THADA: variants seen among roughly 807,000 people sequenced by gnomAD.
THADA encodes the protein THADA armadillo repeat containing, also known as tRNA (32-2'-O)-methyltransferase regulator THADA.
Under a neutral mutation model 219.8 loss-of-function variants are expected in THADA, and 213 were observed. The observed-to-expected ratio is 0.97, with a 90% confidence interval of 0.87 to 1.09. The LOEUF is 1.09. Ranked by LOEUF, THADA falls within the 50% of genes least tolerant of loss-of-function variation. The pLI is 0.00. For synonymous variants in THADA, 1,018 were observed against 828.9 expected, an observed-to-expected ratio of 1.23 and a Z score of -3.92; for missense variants, 2,956 against 2,311.3, an observed-to-expected ratio of 1.28 and a Z score of -5.72.
intron 26 of THADA, among the ~76,000 whole-genome samples, chr2:43,433,084 G>A (rs1679580977): frequency 6.6e-6 from 1 of 151,956 alleles, no homozygotes; most frequent in African/African-American, 2.4e-5. Context: ...AAGCTTTATG[G>A]TTTTAGCTTT....
intron 16 of THADA, 47 bp downstream of exon 16, chr2:43,560,187 A>T: frequency 6.5e-7 from 1 of 1,529,742 alleles, no homozygotes; most frequent in Non-Finnish European, 8.8e-7. Context: ...CTGCTGATAG[A>T]AAGTTTCCAT....
At chr2:43,477,371 G>A (rs1215699129) in intron 26 of THADA, among the ~76,000 whole-genome samples, 1 of 152,166 alleles carries the variant, frequency 6.6e-6, no homozygotes, top group African/African-American at 2.4e-5. Flanking sequence ...GCACAGGTCT[G>A]AGAAACCTGT....
At chr2:43,463,424 C>T (rs1018351005) in intron 26 of THADA, among the ~76,000 whole-genome samples, 12 of 152,130 alleles carry the variant, frequency 7.9e-5, no homozygotes, top group Admixed American at 2.6e-4. Context: ...TTATATAGGG[C>T]GTGATTGACA....
chr2:43,589,317 C>CTA (rs1294558126), intron 4 of THADA, among the ~76,000 whole-genome samples: 3 of 152,040 alleles, frequency 2.0e-5, no homozygotes, highest in Non-Finnish European at 4.4e-5. Flanking sequence ...CTGTCATATG[C>CTA]TATAACAGGG....
intron 17 of THADA, among the ~76,000 whole-genome samples, chr2:43,554,112 T>A (rs1697070169): frequency 6.6e-6 from 1 of 152,198 alleles, no homozygotes; most frequent in Non-Finnish European, 1.5e-5. Context: ...TTTTAAATTT[T>A]GATGAAGTCC....
intron 31 of THADA, among the ~76,000 whole-genome samples, chr2:43,317,995 T>C (rs1422544033): frequency 6.6e-6 from 1 of 152,166 alleles, no homozygotes; most frequent in African/African-American, 2.4e-5. Flanking sequence ...CAATGACAGT[T>C]TTACTTTGTT....
chr2:43,398,033 T>A lies in THADA; in HGVS notation c.4165A>T (p.Thr1389Ser). ...CACTGGTCAGTGCAGCTGGGGAGTG[T>A]GGACAACAGAGTTCGAATGGTATTA... ...IPNTIRTLLS[T>S]LPSCTDQCFR... The change falls in exon 29 of 38, where the codon ACA (threonine) becomes TCA (serine). Residue 1389 changes from threonine (T) to serine (S), a missense_variant. Coordinates refer to ENST00000405975, the MANE Select transcript of THADA (RefSeq NM_022065.5). 3 of 1,613,978 alleles carry A rather than the reference T, an allele frequency of 1.9e-6. No individual in the cohort carries two copies. Among genetic ancestry groups the A allele is most frequent in the Non-Finnish European group, 2.5e-6 (3 of 1,179,852 alleles).
intron 25 of THADA, among the ~76,000 whole-genome samples, chr2:43,498,194 C>T (rs1688504726): frequency 6.6e-6 from 1 of 151,764 alleles, no homozygotes; most frequent in African/African-American, 2.4e-5. Context: ...TCCACAGAGA[C>T]AGAAAGGAGA....
At chr2:43,595,037 T>C (rs2104220743) in intron 1 of THADA, among the ~76,000 whole-genome samples, 1 of 152,386 alleles carries the variant, frequency 6.6e-6, no homozygotes, top group South Asian at 2.1e-4. Flanking sequence ...TTTGTTCATG[T>C]TTCAAGTCTC....
chr2:43,560,386 C>A lies in THADA; in HGVS notation c.2312-1G>T. 2 of 1,507,800 alleles carry A rather than the reference C, an allele frequency of 1.3e-6. No homozygotes were observed. The highest frequency in any genetic ancestry group is 1.8e-6 in the Non-Finnish European group (2 of 1,127,584). 93.4% of individuals were successfully genotyped at this position (1,507,800 alleles called of 1,614,324 possible). ...AGCTGATATACTGTATAAATTCTGC[C>A]TAAAAATATTTTAAAAACAAAAAGA... On this transcript the variant is annotated splice_acceptor_variant, in intron 15 of 37. Coordinates refer to ENST00000405975, the MANE Select transcript of THADA (RefSeq NM_022065.5). LOFTEE classifies it high-confidence loss of function.
intron 26 of THADA, among the ~76,000 whole-genome samples, chr2:43,464,984 G>A (rs562191745): frequency 7.5e-4 from 114 of 152,200 alleles, no homozygotes; most frequent in Admixed American, 2.2e-3. Context: ...CAAAGACCCA[G>A]AATTGAAGAT....
rs75429435 is a variant in THADA at position 43,399,673 on chromosome 2, A to G, written c.4059-1534T>C. 5.7e-4 allele frequency among the ~76,000 whole-genome samples: 87 copies of G among 152,196 alleles called. 1 individual carries two copies. The East Asian group carries it at 9.1e-3, about 16-fold the overall frequency. ...GGTCACCTCACATTATCTGTGGGAA[A>G]GCAGAGAGCTATGGTTACAGTAGGT... On this transcript the variant is annotated intron_variant, in intron 28 of 37. Coordinates refer to ENST00000405975, the MANE Select transcript of THADA (RefSeq NM_022065.5).
At chr2:43,240,853 A>G (rs1281382181) in intron 36 of THADA, among the ~76,000 whole-genome samples, 1 of 152,196 alleles carries the variant, frequency 6.6e-6, no homozygotes, top group Non-Finnish European at 1.5e-5. Context: ...AAATTTCATC[A>G]AAGAAGAACC....
chr2:43,549,895 T>A (rs1696548635), intron 19 of THADA, among the ~76,000 whole-genome samples: 1 of 152,026 alleles, frequency 6.6e-6, no homozygotes, highest in Admixed American at 6.5e-5. Context: ...AAGACATTTT[T>A]AAAAACCCAT....
At chr2:43,334,152 C>T (rs1040171391) in intron 30 of THADA, among the ~76,000 whole-genome samples, 1 of 152,088 alleles carries the variant, frequency 6.6e-6, no homozygotes, top group African/African-American at 2.4e-5. Flanking sequence ...CAGGAGCACA[C>T]CACTCAGCTC....
At chr2:43,500,045 G>C (rs1688744573) in intron 24 of THADA, among the ~76,000 whole-genome samples, 1 of 151,980 alleles carries the variant, frequency 6.6e-6, no homozygotes, top group African/African-American at 2.4e-5. Context: ...AGAGAGAAGA[G>C]AAATAAGGCA....
Position 43,480,240 on chromosome 2 carries a change from T to C in THADA, c.3836+4994A>G, listed in dbSNP as rs562913575. Reference sequence around the variant, plus strand: ...GATGATACTGCCTACCTCGCAGAGCTGTGATCTCGGCTAAGTTAGACATGT... The same window carrying C: ...GATGATACTGCCTACCTCGCAGAGCCGTGATCTCGGCTAAGTTAGACATGT... On this transcript the variant is annotated intron_variant, in intron 26 of 37. Coordinates refer to ENST00000405975, the MANE Select transcript of THADA (RefSeq NM_022065.5). Among the ~76,000 whole-genome samples, 9 of 152,320 alleles carry C rather than the reference T, an allele frequency of 5.9e-5. No homozygotes were observed. The South Asian group carries it at 1.5e-3, about 25-fold the overall frequency.
rs1408107770 is a variant in THADA at position 43,291,680 on chromosome 2, T to C, written c.5010+16A>G. On this transcript the variant is annotated intron_variant, in intron 34 of 37. Coordinates refer to ENST00000405975, the MANE Select transcript of THADA (RefSeq NM_022065.5). The stretch of plus-strand genomic sequence containing the variant: ...AAAAATCCTAGGTCCCGGAACAAGA[T>C]CAGAACCAGCCTTACCTCCACACAT... 1 of 1,526,786 alleles carries C rather than the reference T, an allele frequency of 6.5e-7. No homozygotes were observed. Among genetic ancestry groups the C allele is most frequent in the African/African-American group, 1.4e-5 (1 of 72,358 alleles). The allele number at this position is 1,526,786 out of a possible 1,614,324, so 94.6% of individuals were successfully genotyped here. A position where few individuals can be genotyped will look rare whatever the true frequency, so the allele number is the denominator to read the frequency against.
At chr2:43,493,537 G>A (rs1167527494) in intron 25 of THADA, among the ~76,000 whole-genome samples, 2 of 152,064 alleles carry the variant, frequency 1.3e-5, no homozygotes, top group Non-Finnish European at 2.9e-5. Flanking sequence ...GACTCTAAGT[G>A]GCATACTCAG....
Sources: allele counts gnomAD v4.1 joint callset (sites outside exome capture counted in the v4.1 genomes callset), GRCh38; gene constraint gnomAD v4.1.1; transcripts MANE v1.5; gene names NCBI Gene and HGNC (gene_info 2026-07-23, HGNC 2026-07-21).